Variants in VEPH1 observed in about 807,000 individuals in gnomAD.
The protein encoded by VEPH1 is ventricular zone-expressed PH domain-containing protein homolog 1.
VEPH1 carries 80 observed loss-of-function variants against 85.2 expected under a neutral mutation model. That is an observed-to-expected ratio of 0.94 (90% CI 0.78 to 1.13). The LOEUF (loss-of-function observed/expected upper bound fraction) is 1.13. VEPH1 is among the 50% of genes most tolerant of loss of function. VEPH1 has a pLI of 0.00. For synonymous variants in VEPH1, 297 were observed against 348.0 expected, an observed-to-expected ratio of 0.85 and a Z score of 1.63; for missense variants, 955 against 980.5, an observed-to-expected ratio of 0.97 and a Z score of 0.35.
intron 9 of VEPH1, among the ~76,000 whole-genome samples, chr3:157,324,585 G>A (rs905795721): frequency 6.6e-6 from 1 of 151,548 alleles, no homozygotes; most frequent in Non-Finnish European, 1.5e-5. Context: ...AACATGTGGT[G>A]TTTGGTTTCC....
At chr3:157,281,748 G>T (rs1716155271) in intron 12 of VEPH1, among the ~76,000 whole-genome samples, 1 of 152,136 alleles carries the variant, frequency 6.6e-6, no homozygotes, top group Non-Finnish European at 1.5e-5. Context: ...ATGTTGGCCA[G>T]GATGGTCTCG....
chr3:157,353,772 C>A (rs1292227085), intron 9 of VEPH1, among the ~76,000 whole-genome samples: 1 of 151,924 alleles, frequency 6.6e-6, no homozygotes, highest in African/African-American at 2.4e-5. Flanking sequence ...TTTATCATTT[C>A]TATTATTTAT....
intron 6 of VEPH1, among the ~76,000 whole-genome samples, chr3:157,407,489 A>G (rs1223434472): frequency 2.0e-5 from 3 of 152,182 alleles, no homozygotes; most frequent in Non-Finnish European, 4.4e-5. Flanking sequence ...CACCCCGAGG[A>G]ATAAAAATTT....
intron 9 of VEPH1, among the ~76,000 whole-genome samples, chr3:157,329,359 A>G (rs757304635): frequency 5.3e-5 from 8 of 152,358 alleles, no homozygotes; most frequent in Non-Finnish European, 1.0e-4. Context: ...GGAATCGAAG[A>G]ACAACTCAAG....
intron 5 of VEPH1, among the ~76,000 whole-genome samples, chr3:157,414,912 T>G (rs1181837991): frequency 6.6e-6 from 1 of 152,116 alleles, no homozygotes; most frequent in Non-Finnish European, 1.5e-5. Context: ...TTTATTGATT[T>G]GTCATTTTTT....
At chr3:157,501,502 T>A (rs1740092921) in intron 1 of VEPH1, among the ~76,000 whole-genome samples, 1 of 152,202 alleles carries the variant, frequency 6.6e-6, no homozygotes, top group Admixed American at 6.5e-5. Context: ...CCTCCAGGGC[T>A]CCAGCTACTT....
intron 2 of VEPH1, among the ~76,000 whole-genome samples, chr3:157,484,364 G>C (rs1738427823): frequency 6.6e-6 from 1 of 152,058 alleles, no homozygotes; most frequent in Non-Finnish European, 1.5e-5. Flanking sequence ...CCTCAGAGGT[G>C]CAATTATAGC....
At chr3:157,494,708 T>C (rs1460367521) in intron 2 of VEPH1, among the ~76,000 whole-genome samples, 1 of 152,064 alleles carries the variant, frequency 6.6e-6, no homozygotes, top group Non-Finnish European at 1.5e-5. Context: ...GAATCAGCCT[T>C]ATTAAGTCCT....
intron 11 of VEPH1, among the ~76,000 whole-genome samples, chr3:157,291,015 C>T (rs1456934700): frequency 6.6e-6 from 1 of 152,148 alleles, no homozygotes; most frequent in Non-Finnish European, 1.5e-5. Context: ...TACTGTGAAG[C>T]AATTTTCCAG....
At chr3:157,323,140 C>A (rs1343684078) in intron 9 of VEPH1, among the ~76,000 whole-genome samples, 1 of 152,180 alleles carries the variant, frequency 6.6e-6, no homozygotes, top group East Asian at 1.9e-4. Context: ...CTCTATTCCT[C>A]CTCACCTCCA....
At chr3:157,313,054 G>A (rs1270843478) in intron 11 of VEPH1, among the ~76,000 whole-genome samples, 3 of 151,174 alleles carry the variant, frequency 2.0e-5, no homozygotes, top group Admixed American at 1.3e-4. Flanking sequence ...ACAGGCGCCC[G>A]CTACCACGCC....
chr3:157,414,979 C>T (rs1468202053), intron 5 of VEPH1: 1 of 152,180 alleles, frequency 6.6e-6, no homozygotes, highest in South Asian at 2.1e-4. Context: ...TGATACACAG[C>T]ACCATCTGCC....
intron 12 of VEPH1, among the ~76,000 whole-genome samples, chr3:157,276,315 A>C (rs7635880): frequency 0.055 from 8,317 of 152,286 alleles, 667 homozygotes; most frequent in African/African-American, 0.18. Context: ...ATTTAGGGCT[A>C]TGTTTCCTGA....
intron 4 of VEPH1, among the ~76,000 whole-genome samples, chr3:157,444,614 G>T (rs1180592329): frequency 6.6e-6 from 1 of 152,112 alleles, no homozygotes; most frequent in Non-Finnish European, 1.5e-5. Flanking sequence ...ACTCCCAGCT[G>T]GAAGAAGGAA....
chr3:157,499,404 A>G (rs907187239), intron 1 of VEPH1: 1 of 151,522 alleles, frequency 6.6e-6, no homozygotes, highest in Non-Finnish European at 1.5e-5. Flanking sequence ...CCTGCGTGCT[A>G]CTCCTCAAAG....
chr3:157,275,592 AATAT>A (rs1325734198), intron 12 of VEPH1, among the ~76,000 whole-genome samples: 1 of 151,796 alleles, frequency 6.6e-6, no homozygotes, highest in East Asian at 1.9e-4. Context: ...ACCAACAAAA[AATAT>A]ATATATATAA....
At chr3:157,442,907 C>A (rs547458468) in intron 4 of VEPH1, 2 of 1,614,166 alleles carry the variant, frequency 1.2e-6, no homozygotes, top group Admixed American at 1.7e-5. Context: ...AGTCTTGTCA[C>A]ATCCGGGGGA....
rs1728724754 is a variant in VEPH1 at position 157,381,218 on chromosome 3, G to A, written c.1065C>T (p.Ser355=). The A allele has an allele frequency of 6.2e-7, 1 of 1,613,986 alleles. No individual in the cohort carries two copies. Among genetic ancestry groups the A allele is most frequent in the African/African-American group, 1.3e-5 (1 of 74,900 alleles). The part of the protein sequence containing the change: ...QSRDIFRMSN[S]FTAIAKLLTR... ...TAAGGAGTTTAGCAATGGCGGTGAA[G>A]CTGTTGCTCATGCGGAAGATGTCTC... Residue 355 remains serine, a synonymous_variant, in exon 7 of 14, where the codon AGC becomes AGT. Coordinates refer to ENST00000362010, the MANE Select transcript of VEPH1 (RefSeq NM_001167912.2).
intron 11 of VEPH1, among the ~76,000 whole-genome samples, chr3:157,307,534 TC>T (rs1476405358): frequency 6.6e-6 from 1 of 151,950 alleles, no homozygotes; most frequent in Non-Finnish European, 1.5e-5. Flanking sequence ...TGATTTGTAA[TC>T]CCCCTTCTAT....
Sources: gnomAD v4.1 joint callset for allele counts (sites outside exome capture counted in the v4.1 genomes callset) on GRCh38, gnomAD v4.1.1 for gene constraint, MANE v1.5 for transcripts, NCBI Gene and HGNC (gene_info 2026-07-23, HGNC 2026-07-21) for gene names.